KHDRBS2: variants seen among roughly 807,000 people sequenced by gnomAD.
KHDRBS2 encodes KH domain-containing, RNA-binding, signal transduction-associated protein 2.
In KHDRBS2, 26 loss-of-function variants were observed where a neutral mutation model predicts 44.3. That is an observed-to-expected ratio of 0.59 (90% CI 0.43 to 0.81). The LOEUF is 0.81. Among genes scored for constraint, KHDRBS2 ranks in the 40% least tolerant of loss-of-function variants. The pLI is 0.00. For synonymous variants in KHDRBS2, 194 were observed against 151.1 expected (o/e 1.28, Z -2.08); for missense variants, 476 against 433.1 (o/e 1.10, Z -0.88).
rs554782632 is a variant in KHDRBS2, at chr6:61,948,594, T to C, written c.483+29472A>G. On this transcript the variant is annotated intron_variant, in intron 4 of 8. Transcript: ENST00000281156. ...TAAAATGAGATTGTAATTCTTGCCA[T>C]AAAGCAACATTGTGAGGGTTAAGTT... Among the ~76,000 whole-genome samples, 6 of 151,614 alleles carry C rather than the reference T, an allele frequency of 4.0e-5. No homozygotes were observed. In the South Asian group the frequency reaches 1.2e-3, roughly 32 times the overall value.
intron 6 of KHDRBS2, among the ~76,000 whole-genome samples, chr6:61,870,721 C>T (rs1443770226): frequency 1.3e-5 from 2 of 152,132 alleles, no homozygotes; most frequent in Non-Finnish European, 2.9e-5. Flanking sequence ...GCTGGTGATA[C>T]CCAGGGAAAC....
At chr6:62,036,027 C>G (rs1380521996) in intron 3 of KHDRBS2, among the ~76,000 whole-genome samples, 2 of 151,966 alleles carry the variant, frequency 1.3e-5, no homozygotes. Context: ...ATTCCAGGCT[C>G]TAGACATGAA....
At chr6:61,561,632 A>C in the KHDRBS2 span, among the ~76,000 whole-genome samples, 1 of 152,036 alleles carries the variant, frequency 6.6e-6, no homozygotes, top group Non-Finnish European at 1.5e-5. Flanking sequence ...CACCCCCACA[A>C]CAGACACATG....
intron 1 of KHDRBS2, among the ~76,000 whole-genome samples, chr6:62,253,811 G>C (rs1454562327): frequency 6.6e-5 from 10 of 151,816 alleles, no homozygotes; most frequent in African/African-American, 2.4e-4. Context: ...CTTGAATGTT[G>C]AACTTACACT....
intron 2 of KHDRBS2, among the ~76,000 whole-genome samples, chr6:62,116,389 G>A (rs1248042805): frequency 6.6e-6 from 1 of 152,000 alleles, no homozygotes; most frequent in Non-Finnish European, 1.5e-5. Context: ...TCTGGTTTCT[G>A]AGTTTGTTTT....
intron 1 of KHDRBS2, among the ~76,000 whole-genome samples, chr6:62,285,295 C>T (rs1413553750): frequency 1.3e-5 from 2 of 152,124 alleles, no homozygotes; most frequent in Non-Finnish European, 2.9e-5. Flanking sequence ...AATCATCACA[C>T]TTCAAATAAA....
intron 2 of KHDRBS2, among the ~76,000 whole-genome samples, chr6:62,099,880 CA>C (rs1395333240): frequency 6.6e-6 from 1 of 152,158 alleles, no homozygotes; most frequent in Non-Finnish European, 1.5e-5. Flanking sequence ...CCTACTAACA[CA>C]ATATACATTC....
chr6:62,009,594 G>A (rs914020420), intron 3 of KHDRBS2, among the ~76,000 whole-genome samples: 3 of 152,164 alleles, frequency 2.0e-5, no homozygotes, highest in Non-Finnish European at 4.4e-5. Context: ...CAGGCCCAGA[G>A]GCCTAGGAGG....
At chr6:62,100,498 T>G (rs895652854) in intron 2 of KHDRBS2, among the ~76,000 whole-genome samples, 6 of 152,094 alleles carry the variant, frequency 3.9e-5, no homozygotes, top group Non-Finnish European at 7.4e-5. Flanking sequence ...AGAGAAACAT[T>G]TCATAAGAGG....
chr6:62,180,977 G>C (rs1822150297), intron 1 of KHDRBS2, among the ~76,000 whole-genome samples: 1 of 151,068 alleles, frequency 6.6e-6, no homozygotes, highest in African/African-American at 2.4e-5. Context: ...TGAGAAAACT[G>C]GATGTCCACA....
At chr6:62,000,548 T>A (rs1217077911) in intron 3 of KHDRBS2, among the ~76,000 whole-genome samples, 2 of 152,178 alleles carry the variant, frequency 1.3e-5, no homozygotes, top group Non-Finnish European at 2.9e-5. Flanking sequence ...TTAAGCACCT[T>A]AAAGATTCGT....
chr6:62,148,744 T>G (rs1218657199), intron 2 of KHDRBS2, among the ~76,000 whole-genome samples: 1 of 152,106 alleles, frequency 6.6e-6, no homozygotes. Context: ...TGTAAATTGA[T>G]AGCCTGTCTT....
intron 6 of KHDRBS2, among the ~76,000 whole-genome samples, chr6:61,829,306 C>T (rs369291446): frequency 2.0e-5 from 3 of 152,182 alleles, no homozygotes; most frequent in African/African-American, 4.8e-5. Flanking sequence ...GGACTACAGG[C>T]GCCCACCGCC....
chr6:61,939,336 C>T (rs1257340875), intron 4 of KHDRBS2, among the ~76,000 whole-genome samples: 2 of 152,148 alleles, frequency 1.3e-5, no homozygotes, highest in African/African-American at 4.8e-5. Context: ...TTGTACTTAT[C>T]AACATCACAA....
chr6:61,955,098 G>A (rs1562516526), intron 4 of KHDRBS2, among the ~76,000 whole-genome samples: 3 of 118,706 alleles, frequency 2.5e-5, no homozygotes, highest in Admixed American at 8.3e-5. Flanking sequence ...ATACATATAT[G>A]TATATATACA....
chr6:62,030,227 A>G (rs1390890018), intron 3 of KHDRBS2, among the ~76,000 whole-genome samples: 1 of 152,084 alleles, frequency 6.6e-6, no homozygotes, highest in African/African-American at 2.4e-5. Flanking sequence ...AGAATCTTGC[A>G]GCATCTGTTC....
At chr6:62,274,657 T>C (rs1840629870) in intron 1 of KHDRBS2, among the ~76,000 whole-genome samples, 1 of 152,182 alleles carries the variant, frequency 6.6e-6, no homozygotes, top group South Asian at 2.1e-4. Context: ...TCTACTTATT[T>C]GTAGAATCTC....
intron 1 of KHDRBS2, among the ~76,000 whole-genome samples, chr6:62,237,882 T>TA (rs768915092): frequency 1.3e-5 from 2 of 151,942 alleles, no homozygotes; most frequent in East Asian, 1.9e-4. Context: ...CTACTAAAGA[T>TA]AAAAAAATTA....
chr6:61,724,410 C>G (rs1413104296), intron 7 of KHDRBS2, among the ~76,000 whole-genome samples: 1 of 152,034 alleles, frequency 6.6e-6, no homozygotes, highest in African/African-American at 2.4e-5. Flanking sequence ...TGTGAACAGT[C>G]TGCAAAATAA....
Sources: allele counts gnomAD v4.1 joint callset (sites outside exome capture counted in the v4.1 genomes callset), GRCh38; gene constraint gnomAD v4.1.1; transcripts MANE v1.5; gene names NCBI Gene and HGNC (gene_info 2026-07-23, HGNC 2026-07-21).